Variants in PLCB1 observed in about 807,000 individuals in gnomAD.
The protein encoded by PLCB1 is phospholipase C beta 1, also known as 1-phosphatidylinositol 4,5-bisphosphate phosphodiesterase beta-1.
PLCB1 carries 46 observed loss-of-function variants against 161.8 expected under a neutral mutation model. The ratio of observed to expected loss-of-function variants is 0.28; its 90% CI spans 0.22 to 0.36. The LOEUF (loss-of-function observed/expected upper bound fraction) is 0.36. Ranked by LOEUF, PLCB1 falls within the 10% of genes least tolerant of loss-of-function variation. The probability of loss-of-function intolerance (pLI) is 1.00; values close to 1 mark genes in which losing one functional copy is unlikely to be tolerated. For missense variants in PLCB1, 1,016 were observed against 1,472.5 expected (o/e 0.69, Z 5.07); for synonymous variants, 517 against 503.7 (o/e 1.03, Z -0.35).
chr20:8,147,910 T>C (rs1214538358), intron 1 of PLCB1, among the ~76,000 whole-genome samples: 3 of 148,184 alleles, frequency 2.0e-5, no homozygotes, highest in Non-Finnish European at 3.0e-5. Context: ...TCTCGCTCTG[T>C]CACCCAGGCT....
At chr20:8,728,824 T>C (rs1335862271) in intron 17 of PLCB1, among the ~76,000 whole-genome samples, 1 of 152,042 alleles carries the variant, frequency 6.6e-6, no homozygotes, top group African/African-American at 2.4e-5. Flanking sequence ...ATATTTGATA[T>C]TACTGACAAC....
chr20:8,508,874 A>G (rs1694234871), intron 3 of PLCB1, among the ~76,000 whole-genome samples: 1 of 152,204 alleles, frequency 6.6e-6, no homozygotes, highest in Non-Finnish European at 1.5e-5. Context: ...AGTGAAACCA[A>G]CAAAAGATTT....
intron 1 of PLCB1, among the ~76,000 whole-genome samples, chr20:8,139,093 T>TG (rs1568566692): frequency 8.8e-5 from 12 of 137,044 alleles, no homozygotes; most frequent in African/African-American, 3.3e-4. Flanking sequence ...TTTTTTTTTT[T>TG]TTTTTTTTTT....
intron 31 of PLCB1, among the ~76,000 whole-genome samples, chr20:8,813,044 C>T (rs979265812): frequency 3.3e-5 from 5 of 152,184 alleles, no homozygotes; most frequent in African/African-American, 1.2e-4. Context: ...GGGAATTGGT[C>T]GCCTGGGAGG....
intron 3 of PLCB1, among the ~76,000 whole-genome samples, chr20:8,543,079 C>G (rs543643641): frequency 1.3e-5 from 2 of 152,158 alleles, no homozygotes; most frequent in South Asian, 4.1e-4. Flanking sequence ...TCCGTATTAG[C>G]AGTTTATCGG....
At chr20:8,567,269 T>G (rs1254664037) in intron 3 of PLCB1, among the ~76,000 whole-genome samples, 3 of 152,160 alleles carry the variant, frequency 2.0e-5, no homozygotes, top group Non-Finnish European at 4.4e-5. Flanking sequence ...AGTTTTAACT[T>G]AAAGTTAAAA....
At chr20:8,262,690 G>A (rs555218448) in intron 2 of PLCB1, among the ~76,000 whole-genome samples, 7 of 152,216 alleles carry the variant, frequency 4.6e-5, no homozygotes, top group South Asian at 2.1e-4. Context: ...TATCATAGAC[G>A]GAGTGGCTTA....
chr20:8,849,986 C>G (rs1365583250), intron 31 of PLCB1, among the ~76,000 whole-genome samples: 1 of 152,176 alleles, frequency 6.6e-6, no homozygotes, highest in Non-Finnish European at 1.5e-5. Flanking sequence ...GCACTCCAGC[C>G]TGGCGACAGA....
At chr20:8,624,366 G>A (rs977271235) in intron 3 of PLCB1, among the ~76,000 whole-genome samples, 2 of 152,132 alleles carry the variant, frequency 1.3e-5, no homozygotes, top group African/African-American at 4.8e-5. Context: ...GAAAAAATGA[G>A]TAAGGTATAT....
At chr20:8,308,346 G>A (rs146113030) in intron 2 of PLCB1, among the ~76,000 whole-genome samples, 2,113 of 152,022 alleles carry the variant, frequency 0.014, 59 homozygotes, top group Non-Finnish European at 0.019. Context: ...GCCGGGCGCA[G>A]TGGCTCATGC....
At chr20:8,851,370 T>C (rs1986878855) in intron 31 of PLCB1, among the ~76,000 whole-genome samples, 1 of 152,258 alleles carries the variant, frequency 6.6e-6, no homozygotes, top group African/African-American at 2.4e-5. Context: ...CAATTTATGA[T>C]ATATGTGTTT....
At chr20:8,306,673 G>A (rs987555182) in intron 2 of PLCB1, among the ~76,000 whole-genome samples, 1 of 152,170 alleles carries the variant, frequency 6.6e-6, no homozygotes, top group Non-Finnish European at 1.5e-5. Flanking sequence ...AATTATTGTT[G>A]TTTTAATATT....
chr20:8,373,365 G>A (rs1986965691), intron 3 of PLCB1, among the ~76,000 whole-genome samples: 1 of 152,032 alleles, frequency 6.6e-6, no homozygotes, highest in Non-Finnish European at 1.5e-5. Context: ...CTTCTTCCTT[G>A]TTGGCTAAAT....
chr20:8,681,993 C>T (rs1488220155), intron 9 of PLCB1, among the ~76,000 whole-genome samples: 3 of 152,040 alleles, frequency 2.0e-5, no homozygotes, highest in Non-Finnish European at 4.4e-5. Flanking sequence ...TAAAGGTGCT[C>T]GTGCCTGGGT....
At chr20:8,803,281 C>G (rs1045337760) in intron 31 of PLCB1, among the ~76,000 whole-genome samples, 2 of 151,992 alleles carry the variant, frequency 1.3e-5, no homozygotes, top group African/African-American at 4.8e-5. Context: ...GATGTTGATG[C>G]TGCCACAGTT....
intron 25 of PLCB1, among the ~76,000 whole-genome samples, chr20:8,761,095 T>A (rs747888593): frequency 9.9e-5 from 15 of 152,176 alleles, no homozygotes; most frequent in Non-Finnish European, 1.3e-4. Flanking sequence ...AAATAAATTG[T>A]GATAAATTCC....
intron 2 of PLCB1, among the ~76,000 whole-genome samples, chr20:8,231,586 G>A (rs1484120753): frequency 6.6e-6 from 1 of 152,182 alleles, no homozygotes; most frequent in African/African-American, 2.4e-5. Flanking sequence ...GAAATCTGTT[G>A]TCAGCAGGTG....
intron 2 of PLCB1, among the ~76,000 whole-genome samples, chr20:8,298,189 G>A (rs978594603): frequency 2.0e-5 from 3 of 151,458 alleles, no homozygotes; most frequent in African/African-American, 7.3e-5. Flanking sequence ...CATCTACTTG[G>A]ATGGCTGAGG....
At chr20:8,705,905 A>G (rs1978644269) in intron 11 of PLCB1, among the ~76,000 whole-genome samples, 1 of 152,200 alleles carries the variant, frequency 6.6e-6, no homozygotes, top group Non-Finnish European at 1.5e-5. Flanking sequence ...AGTTTATAGA[A>G]AGGAGCGAAA....
Sources: allele counts gnomAD v4.1 joint callset (sites outside exome capture counted in the v4.1 genomes callset), GRCh38; gene constraint gnomAD v4.1.1; transcripts MANE v1.5; gene names NCBI Gene and HGNC (gene_info 2026-07-23, HGNC 2026-07-21).